The following AGMO variants were observed in gnomAD, a reference collection of about 807,000 sequenced individuals.
AGMO encodes the protein alkylglycerol monooxygenase.
AGMO carries 75 observed loss-of-function variants against 60.2 expected under a neutral mutation model. The observed-to-expected ratio is 1.25, with a 90% CI of 1.03 to 1.51. AGMO has a LOEUF of 1.51. Ranked by LOEUF, AGMO falls within the 40% of genes most tolerant of loss-of-function variation. The pLI is 0.00. For missense variants in AGMO, 763 were observed against 525.5 expected (o/e 1.45, Z -4.42); for synonymous variants, 261 against 177.1 (o/e 1.47, Z -3.76).
At chr7:15,319,100 C>T (rs1781028890) in intron 12 of AGMO, among the ~76,000 whole-genome samples, 1 of 151,970 alleles carries the variant, frequency 6.6e-6, no homozygotes, top group Admixed American at 6.6e-5. Context: ...CTACCTTTGT[C>T]TTATTTCTAT....
chr7:15,315,196 TTG>T (rs1780881119), intron 12 of AGMO, among the ~76,000 whole-genome samples: 1 of 151,910 alleles, frequency 6.6e-6, no homozygotes, highest in African/African-American at 2.4e-5. Flanking sequence ...AATAATGAAT[TTG>T]TGTTATTGCA....
chr7:15,356,849 T>C (rs988891498), intron 12 of AGMO, among the ~76,000 whole-genome samples: 4 of 151,450 alleles, frequency 2.6e-5, no homozygotes, highest in Admixed American at 2.6e-4. Context: ...GGCTCAAGCC[T>C]GTAATCCCAG....
At chr7:15,234,249 C>G (rs916223646) in intron 12 of AGMO, among the ~76,000 whole-genome samples, 38 of 152,022 alleles carry the variant, frequency 2.5e-4, no homozygotes, top group African/African-American at 7.5e-4. Flanking sequence ...TCATGATTAC[C>G]TTTCTCAAAG....
chr7:15,380,381 G>A (rs1783629231), intron 10 of AGMO, among the ~76,000 whole-genome samples: 1 of 151,960 alleles, frequency 6.6e-6, no homozygotes, highest in Admixed American at 6.6e-5. Flanking sequence ...CAAACTGAGA[G>A]CAAAATTAGG....
chr7:15,274,218 T>C (rs376472060), intron 12 of AGMO, among the ~76,000 whole-genome samples: 13 of 152,274 alleles, frequency 8.5e-5, no homozygotes, highest in East Asian at 5.8e-4. Context: ...AAAGGGAATG[T>C]TTCCAGTTTT....
chr7:15,552,884 C>T (rs903551950), intron 2 of AGMO, among the ~76,000 whole-genome samples: 13 of 149,294 alleles, frequency 8.7e-5, no homozygotes, highest in East Asian at 2.0e-4. Context: ...ATGTTTATTG[C>T]GGCATTATTC....
chr7:15,292,134 G>A (rs1450557711), intron 12 of AGMO, among the ~76,000 whole-genome samples: 1 of 152,278 alleles, frequency 6.6e-6, no homozygotes, highest in South Asian at 2.1e-4. Flanking sequence ...CAAATTAGAA[G>A]GAAGCTGTAA....
chr7:15,439,463 T>C (rs1781490983), intron 3 of AGMO, among the ~76,000 whole-genome samples: 1 of 152,202 alleles, frequency 6.6e-6, no homozygotes, highest in East Asian at 1.9e-4. Flanking sequence ...TTCTTTCTGC[T>C]ACCTTGAATC....
At chr7:15,531,326 T>C (rs1473746807) in intron 3 of AGMO, among the ~76,000 whole-genome samples, 180 of 14,102 alleles carry the variant, frequency 0.013, 2 homozygotes, top group African/African-American at 0.079. Flanking sequence ...ACATATATTC[T>C]ATATATATTC....
chr7:15,431,277 A>G (rs1333295181), intron 3 of AGMO, among the ~76,000 whole-genome samples, 169 bp from the exon 4 acceptor site: 1 of 151,826 alleles, frequency 6.6e-6, no homozygotes, highest in Admixed American at 6.6e-5. Flanking sequence ...AATTTTTGGA[A>G]CCAAAGACTG....
chr7:15,549,966 C>A (rs1217255232), intron 2 of AGMO, among the ~76,000 whole-genome samples: 1 of 150,368 alleles, frequency 6.7e-6, no homozygotes, highest in East Asian at 2.0e-4. Flanking sequence ...AACAAACTAT[C>A]TCTCAGACCA....
At chr7:15,363,125 T>C (rs1782828290) in intron 12 of AGMO, among the ~76,000 whole-genome samples, 1 of 152,200 alleles carries the variant, frequency 6.6e-6, no homozygotes, top group Non-Finnish European at 1.5e-5. Flanking sequence ...TTAGCTCTTA[T>C]AAAACCTATT....
At chr7:15,296,909 T>A (rs1026770876) in intron 12 of AGMO, among the ~76,000 whole-genome samples, 5 of 152,178 alleles carry the variant, frequency 3.3e-5, no homozygotes, top group East Asian at 3.9e-4. Context: ...TTCCACATCA[T>A]CATAACCTTC....
At chr7:15,386,063 C>G (rs1783897803) in intron 9 of AGMO, among the ~76,000 whole-genome samples, 1 of 152,026 alleles carries the variant, frequency 6.6e-6, no homozygotes, top group African/African-American at 2.4e-5. Flanking sequence ...CACCTGTAAT[C>G]CCAGCTACTC....
intron 8 of AGMO, among the ~76,000 whole-genome samples, 166 bp downstream of exon 8, chr7:15,390,505 A>C (rs1562480811): frequency 6.6e-6 from 1 of 152,204 alleles, no homozygotes; most frequent in Non-Finnish European, 1.5e-5. Context: ...GATTTGATTC[A>C]AACTTTTGCT....
chr7:15,423,962 T>C (rs1198084632), intron 4 of AGMO, among the ~76,000 whole-genome samples: 2 of 152,174 alleles, frequency 1.3e-5, no homozygotes, highest in African/African-American at 2.4e-5. Context: ...AGGAAATTAA[T>C]ACACATGCCA....
intron 12 of AGMO, among the ~76,000 whole-genome samples, chr7:15,267,710 T>C (rs74691694): frequency 0.018 from 2,748 of 152,044 alleles, 92 homozygotes; most frequent in African/African-American, 0.063. Flanking sequence ...AGTGCACATA[T>C]GCTCAGAAAC....
chr7:15,496,147 A>G (rs1040229431), intron 3 of AGMO, among the ~76,000 whole-genome samples: 37 of 152,116 alleles, frequency 2.4e-4, no homozygotes, highest in African/African-American at 7.7e-4. Context: ...CACCCCTCTC[A>G]TGGAGATGAG....
chr7:15,553,043 T>A (rs191234406), intron 2 of AGMO, among the ~76,000 whole-genome samples: 1 of 150,976 alleles, frequency 6.6e-6, no homozygotes, highest in Non-Finnish European at 1.5e-5. Context: ...AAATTGGAAA[T>A]CATCATTCTC....
Sources: allele counts gnomAD v4.1 joint callset (sites outside exome capture counted in the v4.1 genomes callset), GRCh38; gene constraint gnomAD v4.1.1; transcripts MANE v1.5; gene names NCBI Gene and HGNC (gene_info 2026-07-23, HGNC 2026-07-21).